AUH: variants seen among roughly 807,000 people sequenced by gnomAD.
The protein encoded by AUH is methylglutaconyl-CoA hydratase, mitochondrial.
In AUH, 29 loss-of-function variants were observed where a neutral mutation model predicts 42.3. That is an observed-to-expected ratio of 0.69 (90% confidence interval 0.51 to 0.93). AUH has a LOEUF of 0.93. Ranked by LOEUF, AUH falls within the 40% of genes least tolerant of loss-of-function variation. AUH has a pLI of 0.00. For missense variants in AUH, 452 were observed against 438.1 expected, an observed-to-expected ratio of 1.03 and a Z score of -0.28; for synonymous variants, 174 against 166.4, an observed-to-expected ratio of 1.05 and a Z score of -0.35.
chr9:91,319,709 C>A (rs1237744372), intron 4 of AUH, among the ~76,000 whole-genome samples: 4 of 152,214 alleles, frequency 2.6e-5, no homozygotes, highest in African/African-American at 9.6e-5. Flanking sequence ...TTAGTAAACA[C>A]ACTGCACGTG....
intron 3 of AUH, among the ~76,000 whole-genome samples, chr9:91,346,263 A>T: frequency 6.6e-6 from 1 of 152,122 alleles, no homozygotes; most frequent in East Asian, 1.9e-4. Context: ...TCAGGGAGTG[A>T]GAGGAGCTGG....
At chr9:91,219,997 G>C (rs1457007235) in intron 7 of AUH, among the ~76,000 whole-genome samples, 1 of 152,202 alleles carries the variant, frequency 6.6e-6, no homozygotes, top group Admixed American at 6.5e-5. Context: ...TGGTTAGGGG[G>C]TTATAAAACT....
intron 6 of AUH, among the ~76,000 whole-genome samples, chr9:91,285,077 T>A (rs1826291014): frequency 6.6e-6 from 1 of 152,126 alleles, no homozygotes; most frequent in Non-Finnish European, 1.5e-5. Context: ...CCATCAATGA[T>A]AGACTGGATT....
At chr9:91,312,470 G>T (rs1354650884) in intron 4 of AUH, among the ~76,000 whole-genome samples, 1 of 152,216 alleles carries the variant, frequency 6.6e-6, no homozygotes, top group African/African-American at 2.4e-5. Context: ...GCTCATGCCT[G>T]TAATCCCAGC....
Position 91,297,994 on chromosome 9 carries a change from T to C in AUH, c.588A>G (p.Ile196Met), listed in dbSNP as rs779562248. ...GGLELALACD[I>M]RVAASSAKMG... ...AGGATTAATTCTTACCTGCTACTCG[T>C]ATATCACAGGCTAAAGCCAGTTCAA... The change falls in exon 5 of 10, where the codon ATA (isoleucine) becomes ATG (methionine). Residue 196 changes from isoleucine to methionine, a missense_variant. Transcript: ENST00000375731. The C allele has an allele frequency of 1.9e-6, 3 of 1,606,650 alleles. No individual in the cohort carries two copies. The East Asian group carries it at 6.7e-5, about 36-fold the overall frequency.
chr9:91,264,829 C>T (rs1224025278), intron 6 of AUH, among the ~76,000 whole-genome samples: 3 of 152,164 alleles, frequency 2.0e-5, no homozygotes, highest in African/African-American at 4.8e-5. Flanking sequence ...CTTAACTTTG[C>T]TATCTTATAT....
At chr9:91,243,682 A>G (rs976866361) in intron 6 of AUH, among the ~76,000 whole-genome samples, 1 of 152,232 alleles carries the variant, frequency 6.6e-6, no homozygotes, top group Non-Finnish European at 1.5e-5. Flanking sequence ...CCGATGTGTC[A>G]TGTGTCCCAC....
At chr9:91,312,731 T>A (rs1309186144) in intron 4 of AUH, among the ~76,000 whole-genome samples, 3 of 152,132 alleles carry the variant, frequency 2.0e-5, no homozygotes, top group Admixed American at 1.3e-4. Context: ...ATCTTTTTTT[T>A]AAAACAAACA....
chr9:91,216,213 T>C, intron 8 of AUH, 107 bp from the exon 9 acceptor site: 1 of 1,104,530 alleles, frequency 9.1e-7, no homozygotes. Context: ...ACCCAATCCT[T>C]TGATATAGTA....
At chr9:91,307,671 C>T (rs1828336079) in intron 4 of AUH, among the ~76,000 whole-genome samples, 1 of 152,138 alleles carries the variant, frequency 6.6e-6, no homozygotes, top group South Asian at 2.1e-4. Flanking sequence ...AATATTGTTG[C>T]AAATTGTTCC....
intron 6 of AUH, among the ~76,000 whole-genome samples, chr9:91,241,998 AT>A (rs1828545775): frequency 6.6e-6 from 1 of 152,192 alleles, no homozygotes; most frequent in Non-Finnish European, 1.5e-5. Flanking sequence ...TTACTCTTTG[AT>A]AGATTCTAAG....
Position 91,281,571 on chromosome 9 carries a change from A to C in AUH, c.655+14450T>G, listed in dbSNP as rs181769756. ...TACTTGATATTTAATGACCATTTTGAAGCCAACACGTCCAAAACAATATTC... is the reference window on the plus strand; with the variant it reads ...TACTTGATATTTAATGACCATTTTGCAGCCAACACGTCCAAAACAATATTC... On this transcript the variant is annotated intron_variant, in intron 6 of 9. Transcript: ENST00000375731. Among the ~76,000 whole-genome samples the C allele has an allele frequency of 5.3e-5, 8 of 152,334 alleles. No individual in the cohort carries two copies. The East Asian group carries it at 1.5e-3, about 29-fold the overall frequency.
intron 4 of AUH, among the ~76,000 whole-genome samples, chr9:91,314,416 G>A (rs1828983005): frequency 6.6e-6 from 1 of 150,570 alleles, no homozygotes; most frequent in Middle Eastern, 3.4e-3. Context: ...CCCGGAGGTC[G>A]AGGCTACAGA....
chr9:91,345,704 G>A (rs1267834126), intron 3 of AUH, among the ~76,000 whole-genome samples: 4 of 151,874 alleles, frequency 2.6e-5, no homozygotes, highest in South Asian at 4.2e-4. Context: ...GTGGTGGCGA[G>A]CCCCTGTAGT....
chr9:91,249,331 A>G (rs956767508), intron 6 of AUH, among the ~76,000 whole-genome samples: 2 of 148,196 alleles, frequency 1.3e-5, no homozygotes, highest in Non-Finnish European at 1.5e-5. Context: ...AAAGAACACA[A>G]TATTTCTGAA....
intron 6 of AUH, among the ~76,000 whole-genome samples, chr9:91,282,846 G>A (rs1826081756): frequency 6.6e-6 from 1 of 152,106 alleles, no homozygotes; most frequent in South Asian, 2.1e-4. Flanking sequence ...AAAAAGTCCA[G>A]GACCAGACGG....
At chr9:91,346,322 A>T (rs1352921556) in intron 3 of AUH, among the ~76,000 whole-genome samples, 2 of 152,106 alleles carry the variant, frequency 1.3e-5, no homozygotes, top group Non-Finnish European at 2.9e-5. Context: ...ATCATTATGT[A>T]AAGAGGCCTC....
chr9:91,230,682 G>GT (rs1827818272), intron 6 of AUH, among the ~76,000 whole-genome samples: 1 of 152,238 alleles, frequency 6.6e-6, no homozygotes, highest in South Asian at 2.1e-4. Flanking sequence ...CATCTTTGTG[G>GT]TTTTATCTAC....
intron 3 of AUH, among the ~76,000 whole-genome samples, chr9:91,326,055 A>G (rs909376333): frequency 1.3e-5 from 2 of 152,348 alleles, no homozygotes; most frequent in South Asian, 2.1e-4. Flanking sequence ...AACACATGGA[A>G]TTCCTTAAGG....
Sources: gnomAD v4.1 joint callset for allele counts (sites outside exome capture counted in the v4.1 genomes callset) on GRCh38, gnomAD v4.1.1 for gene constraint, MANE v1.5 for transcripts, NCBI Gene and HGNC (gene_info 2026-07-23, HGNC 2026-07-21) for gene names.